MTAP: variants seen among roughly 807,000 people sequenced by gnomAD.
The protein encoded by MTAP is S-methyl-5'-thioadenosine phosphorylase.
MTAP carries 33 observed loss-of-function variants against 33.6 expected under a neutral mutation model. The observed-to-expected ratio is 0.98, with a 90% CI of 0.74 to 1.31. The LOEUF is 1.31. Ranked by LOEUF, MTAP falls within the 40% of genes most tolerant of loss-of-function variation. MTAP has a pLI of 0.00. For synonymous variants in MTAP, 148 were observed against 125.7 expected (o/e 1.18, Z -1.19); for missense variants, 367 against 360.0 (o/e 1.02, Z -0.16).
At chr9:21,868,811 C>G (rs1001101713), downstream of MTAP, among the ~76,000 whole-genome samples, 1 of 152,154 alleles carries the variant, frequency 6.6e-6, no homozygotes, top group Non-Finnish European at 1.5e-5. Context: ...TAGTGCTTCT[C>G]AAACGGGAGC....
At position 21,863,042 on chromosome 9, in the gene MTAP, G is replaced by A. The variant is rs796616619; in HGVS notation, c.*1028G>A. On this transcript the variant is annotated 3_prime_UTR_variant, in exon 8 of 8. Coordinates refer to ENST00000644715, the MANE Select transcript of MTAP (RefSeq NM_002451.4). The stretch of plus-strand genomic sequence containing the variant: ...TTTAAGGGAGTTACATCTTTATTCT[G>A]CTAAAGAAGAGGATCATTGATTTCT... 3.0e-6 allele frequency: 3 copies of A among 985,224 alleles called. No individual in the cohort carries two copies. Among genetic ancestry groups the A allele is most frequent in the African/African-American group, 3.5e-5 (2 of 57,244 alleles). 61.0% of individuals were successfully genotyped at this position (985,224 alleles called of 1,614,324 possible). A position where few individuals can be genotyped will look rare whatever the true frequency, so the allele number is the denominator to read the frequency against.
intron 1 of MTAP, among the ~76,000 whole-genome samples, chr9:21,814,960 C>A (rs994707790): frequency 6.6e-6 from 1 of 152,158 alleles, no homozygotes. Flanking sequence ...TCAAATAGAA[C>A]AGTGAGGAGA....
chr9:21,872,335 A>T (rs1825949821), intron 1 of MTAP, among the ~76,000 whole-genome samples: 1 of 152,176 alleles, frequency 6.6e-6, no homozygotes, highest in South Asian at 2.1e-4. Flanking sequence ...ACAACCACCA[A>T]AAACTGTCTG....
intron 5 of MTAP, among the ~76,000 whole-genome samples, chr9:21,843,075 A>T (rs543435952): frequency 6.6e-6 from 1 of 152,352 alleles, no homozygotes; most frequent in South Asian, 2.1e-4. Context: ...GGAAAAAGAT[A>T]TTCCATGCAA....
chr9:21,871,023 G>A (rs571016121), downstream of MTAP, among the ~76,000 whole-genome samples: 21 of 151,802 alleles, frequency 1.4e-4, no homozygotes, highest in Non-Finnish European at 2.8e-4. Flanking sequence ...CACCAGCCTC[G>A]GCCTTACAAA....
At chr9:21,824,609 C>G (rs533665851) in intron 4 of MTAP, among the ~76,000 whole-genome samples, 1 of 152,294 alleles carries the variant, frequency 6.6e-6, no homozygotes, top group South Asian at 2.1e-4. Flanking sequence ...GCTGGGAGAA[C>G]CACTACTCTC....
chr9:21,833,611 C>T lies in MTAP; in HGVS notation c.348-4297C>T, dbSNP rs573163479. On this transcript the variant is annotated intron_variant, in intron 4 of 7. Transcript: ENST00000644715. ...TTTAAATGATGGGTAGATTCACTTC[C>T]CCTAAACCGTCCTCCTTATGAGCAG... is the stretch of plus-strand genomic sequence containing the variant. 4.6e-5 allele frequency among the ~76,000 whole-genome samples: 7 copies of T among 152,266 alleles called. No homozygotes were observed. The East Asian group carries it at 1.4e-3, about 29-fold the overall frequency.
downstream of MTAP, among the ~76,000 whole-genome samples, chr9:21,940,243 A>C (rs1186558691): frequency 6.6e-6 from 1 of 152,220 alleles, no homozygotes; most frequent in Admixed American, 6.5e-5. Flanking sequence ...TTCTAATTTG[A>C]GACTCCTTAT....
At chr9:21,907,581 T>G (rs1818495946) in intron 1 of MTAP, among the ~76,000 whole-genome samples, 1 of 152,164 alleles carries the variant, frequency 6.6e-6, no homozygotes, top group South Asian at 2.1e-4. Context: ...AAAAAATTAT[T>G]TGTATGTAAT....
intron 1 of MTAP, among the ~76,000 whole-genome samples, chr9:21,927,579 A>G (rs1031238238): frequency 6.6e-6 from 1 of 152,182 alleles, no homozygotes; most frequent in Non-Finnish European, 1.5e-5. Flanking sequence ...AAGACTTACA[A>G]TATCAGCCCC....
downstream of MTAP, chr9:21,935,851 G>A (rs1290669567): frequency 6.6e-6 from 1 of 152,090 alleles, no homozygotes; most frequent in Non-Finnish European, 1.5e-5. Flanking sequence ...AAAGGGACAG[G>A]GCAATGGTAT....
chr9:21,927,156 A>G (rs956745149), intron 1 of MTAP, among the ~76,000 whole-genome samples: 3 of 152,208 alleles, frequency 2.0e-5, no homozygotes, highest in Non-Finnish European at 4.4e-5. Context: ...TCAGCTTTTC[A>G]TCACTGAAAG....
At chr9:21,848,114 C>G (rs1825425587) in intron 5 of MTAP, among the ~76,000 whole-genome samples, 2 of 152,134 alleles carry the variant, frequency 1.3e-5, no homozygotes, top group African/African-American at 2.4e-5. Flanking sequence ...GAGATAAACC[C>G]TGTGCGGCCT....
At position 21,862,162 on chromosome 9, in the gene MTAP, G is replaced by A; in HGVS notation, c.*148G>A. 1 of 1,490,052 alleles carries A rather than the reference G, an allele frequency of 6.7e-7. No individual in the cohort carries two copies. Among genetic ancestry groups the A allele is most frequent in the Non-Finnish European group, 8.9e-7 (1 of 1,123,322 alleles). The allele number at this position is 1,490,052 out of a possible 1,614,324, so 92.3% of individuals were successfully genotyped here. ...TATGTTGTAAGAAAGACAAGACATT[G>A]TGTGTATTAGAGACTCCTGAATGAT... is the stretch of plus-strand genomic sequence containing the variant. On this transcript the variant is annotated 3_prime_UTR_variant, in exon 8 of 8. Coordinates refer to ENST00000644715, the MANE Select transcript of MTAP (RefSeq NM_002451.4).
chr9:21,839,047 G>T (rs1411870393), intron 5 of MTAP, among the ~76,000 whole-genome samples: 3 of 152,136 alleles, frequency 2.0e-5, no homozygotes, highest in Non-Finnish European at 4.4e-5. Flanking sequence ...ACACAGGGTT[G>T]GGAGAAATAT....
At chr9:21,901,604 G>A (rs1202508025) in intron 1 of MTAP, among the ~76,000 whole-genome samples, 1 of 152,096 alleles carries the variant, frequency 6.6e-6, no homozygotes, top group Non-Finnish European at 1.5e-5. Flanking sequence ...AGGGAATAAA[G>A]GACTAGGGAG....
intron 5 of MTAP, among the ~76,000 whole-genome samples, chr9:21,844,510 A>G (rs1212472717): frequency 6.6e-6 from 1 of 152,238 alleles, no homozygotes; most frequent in African/African-American, 2.4e-5. Flanking sequence ...ATCCAACAGC[A>G]TATGAAAAAG....
chr9:21,870,022 C>T (rs1339897473), downstream of MTAP, among the ~76,000 whole-genome samples: 1 of 152,162 alleles, frequency 6.6e-6, no homozygotes, highest in African/African-American at 2.4e-5. Flanking sequence ...ACACCAGGCC[C>T]CCTCCTGCCT....
intron 5 of MTAP, among the ~76,000 whole-genome samples, chr9:21,839,719 C>CCA (rs1466658844): frequency 6.6e-6 from 1 of 152,168 alleles, no homozygotes; most frequent in African/African-American, 2.4e-5. Flanking sequence ...CTTTTAACAT[C>CCA]CACATGATCT....
Sources: gnomAD v4.1 joint callset for allele counts (sites outside exome capture counted in the v4.1 genomes callset) on GRCh38, gnomAD v4.1.1 for gene constraint, MANE v1.5 for transcripts, NCBI Gene and HGNC (gene_info 2026-07-23, HGNC 2026-07-21) for gene names.